The following TASP1 variants were observed in gnomAD, a reference collection of about 807,000 sequenced individuals.
TASP1 encodes threonine aspartase 1.
Under a neutral mutation model 56.6 loss-of-function variants are expected in TASP1, and 16 were observed. The observed-to-expected ratio is 0.28, with a 90% CI of 0.19 to 0.43. TASP1 has a LOEUF of 0.43. Among genes scored for constraint, TASP1 ranks in the 20% least tolerant of loss-of-function variants. The pLI, the probability that TASP1 is intolerant of heterozygous loss-of-function variation, is 1.00. For missense variants in TASP1, 393 were observed against 511.6 expected (o/e 0.77, Z 2.24); for synonymous variants, 179 against 184.2 (o/e 0.97, Z 0.23).
At chr20:13,379,934 G>A in the TASP1 span, among the ~76,000 whole-genome samples, 3 of 152,078 alleles carry the variant, frequency 2.0e-5, no homozygotes, top group Admixed American at 6.6e-5. Flanking sequence ...GGTCATTTAT[G>A]TTCTTCTCTA....
At chr20:13,628,287 C>G (rs2048969434) in intron 2 of TASP1, among the ~76,000 whole-genome samples, 1 of 152,200 alleles carries the variant, frequency 6.6e-6, no homozygotes, top group Non-Finnish European at 1.5e-5. Context: ...CTTGTTACAA[C>G]TTTCAGACCT....
At chr20:13,237,030 C>G in the TASP1 span, among the ~76,000 whole-genome samples, 1 of 152,194 alleles carries the variant, frequency 6.6e-6, no homozygotes, top group African/African-American at 2.4e-5. Context: ...TAGGCAGTGC[C>G]CAAGTAGGGA....
Position 13,543,717 on chromosome 20 carries a change from G to C in TASP1, c.676-9576C>G, listed in dbSNP as rs1005475260. Among the ~76,000 whole-genome samples, 3 of 152,102 alleles carry C rather than the reference G, an allele frequency of 2.0e-5. No individual in the cohort carries two copies. In the South Asian group the frequency reaches 6.2e-4, roughly 32 times the overall value. On this transcript the variant is annotated intron_variant, in intron 8 of 13. Transcript: ENST00000337743. Reference sequence around the variant, plus strand: ...AAGACCATAGGCTGGCTTGTTACAGGATCTTTATTGGCTTATCTTGCCCCT... The same window carrying C: ...AAGACCATAGGCTGGCTTGTTACAGCATCTTTATTGGCTTATCTTGCCCCT...
chr20:13,240,672 TG>T, the TASP1 span, among the ~76,000 whole-genome samples: 131 of 152,350 alleles, frequency 8.6e-4, no homozygotes, highest in Non-Finnish European at 9.1e-4. Context: ...TGGCTCCATC[TG>T]ATCAGTGGAT....
At chr20:13,247,517 G>GGTGTGTGTGTGTGTCTGT in the TASP1 span, among the ~76,000 whole-genome samples, 2,111 of 139,886 alleles carry the variant, frequency 0.015, 24 homozygotes, top group Non-Finnish European at 0.019. Flanking sequence ...CAAAGTGAGG[G>GGTGTGTGTGTGTGTCTGT]GTGTGTGTGT....
chr20:13,382,983 CAAGCCATGTG>C, the TASP1 span, among the ~76,000 whole-genome samples: 2 of 152,122 alleles, frequency 1.3e-5, no homozygotes, highest in East Asian at 3.9e-4. Context: ...GAGGGAAGAG[CAAGCCATGTG>C]AAGCCATCTG....
chr20:13,380,562 C>A, the TASP1 span, among the ~76,000 whole-genome samples: 7 of 152,186 alleles, frequency 4.6e-5, no homozygotes, highest in African/African-American at 1.2e-4. Flanking sequence ...GCCAGGGATC[C>A]ACTTGAGGAG....
At chr20:13,385,198 T>A (rs2041155524), downstream of TASP1, among the ~76,000 whole-genome samples, 1 of 152,212 alleles carries the variant, frequency 6.6e-6, no homozygotes, top group Admixed American at 6.5e-5. Context: ...CCTCTGCAAA[T>A]TTCTTAAAGT....
downstream of TASP1, among the ~76,000 whole-genome samples, chr20:13,388,159 T>A (rs1300832847): frequency 1.3e-5 from 2 of 152,212 alleles, no homozygotes; most frequent in African/African-American, 4.8e-5. Flanking sequence ...AAATACAGCT[T>A]CAGATTCTTG....
chr20:13,234,069 G>A, the TASP1 span, among the ~76,000 whole-genome samples: 1 of 152,144 alleles, frequency 6.6e-6, no homozygotes, highest in Admixed American at 6.5e-5. Context: ...CTCATCACCT[G>A]AGTAGTGAAT....
At chr20:13,209,231 A>G in the TASP1 span, among the ~76,000 whole-genome samples, 2 of 152,204 alleles carry the variant, frequency 1.3e-5, no homozygotes, top group African/African-American at 4.8e-5. Flanking sequence ...GCTGACCTGC[A>G]GATTTGTAAG....
Position 13,587,370 on chromosome 20 carries a change from C to A in TASP1, c.283G>T (p.Asp95Tyr). Residue 95 changes from aspartate (D) to tyrosine (Y), a missense_variant and splice_region_variant, in exon 5 of 14, where the codon GAT becomes TAT. Physicochemically the swap from Asp to Tyr is radical, Grantham distance 160. Coordinates refer to ENST00000337743, the MANE Select transcript of TASP1 (RefSeq NM_017714.3). ...AVTAALVELE[D>Y]SPFTNAGMGS... ...ATTCCTGCATTTGTAAAAGGAGAATCCTAAAAGACAAAAACAAAAATTAAA... is the reference window on the plus strand; with the variant it reads ...ATTCCTGCATTTGTAAAAGGAGAATACTAAAAGACAAAAACAAAAATTAAA... The A allele has an allele frequency of 6.3e-7, 1 of 1,590,112 alleles. No individual in the cohort carries two copies. Among genetic ancestry groups the A allele is most frequent in the Admixed American group, 1.9e-5 (1 of 53,602 alleles).
At chr20:13,546,224 C>T (rs1445785411) in intron 8 of TASP1, among the ~76,000 whole-genome samples, 2 of 151,580 alleles carry the variant, frequency 1.3e-5, no homozygotes, top group African/African-American at 4.8e-5. Flanking sequence ...AAATTAAAGA[C>T]TGCAAGAAGC....
At chr20:13,528,600 C>G in intron 9 of TASP1, 89 bp from the exon 10 acceptor site, 1 of 1,160,790 alleles carries the variant, frequency 8.6e-7, no homozygotes, top group East Asian at 2.6e-5. Flanking sequence ...CTAATAAAGC[C>G]TGGTTTAATA....
the TASP1 span, among the ~76,000 whole-genome samples, chr20:13,340,151 C>T: frequency 6.6e-6 from 1 of 151,988 alleles, no homozygotes; most frequent in Admixed American, 6.6e-5. Flanking sequence ...GGAACAAACA[C>T]AAAAAAACAT....
chr20:13,456,286 C>T (rs950839353), intron 11 of TASP1, among the ~76,000 whole-genome samples: 2 of 152,010 alleles, frequency 1.3e-5, no homozygotes, highest in Non-Finnish European at 2.9e-5. Flanking sequence ...AGACCATCAG[C>T]CAAAGCTTTA....
At chr20:13,137,400 G>C in the TASP1 span, among the ~76,000 whole-genome samples, 1 of 152,086 alleles carries the variant, frequency 6.6e-6, no homozygotes, top group Non-Finnish European at 1.5e-5. Flanking sequence ...TTTGGCCTCT[G>C]GGAGAAGGCT....
At chr20:13,193,645 G>C in the TASP1 span, among the ~76,000 whole-genome samples, 10 of 152,200 alleles carry the variant, frequency 6.6e-5, no homozygotes, top group Admixed American at 6.5e-4. Context: ...CTAAGAGAAA[G>C]GCCAGAGACA....
the TASP1 span, among the ~76,000 whole-genome samples, chr20:13,127,917 C>T: frequency 6.6e-6 from 1 of 152,098 alleles, no homozygotes; most frequent in Non-Finnish European, 1.5e-5. Flanking sequence ...CTAGGAAGCC[C>T]TTATGGTATG....
Sources: allele counts gnomAD v4.1 joint callset (sites outside exome capture counted in the v4.1 genomes callset), GRCh38; gene constraint gnomAD v4.1.1; transcripts MANE v1.5; gene names NCBI Gene and HGNC (gene_info 2026-07-23, HGNC 2026-07-21).